The following TNPO3 variants were observed in gnomAD, a reference collection of about 807,000 sequenced individuals.
The protein encoded by TNPO3 is transportin-3.
A neutral mutation model predicts 122.8 loss-of-function variants in TNPO3; 65 were observed. The observed-to-expected ratio is 0.53, with a 90% CI of 0.43 to 0.65. The LOEUF (loss-of-function observed/expected upper bound fraction) is 0.65, where lower values mean the gene tolerates loss of function less well. Among genes scored for constraint, TNPO3 ranks in the 30% least tolerant of loss-of-function variants. The probability of loss-of-function intolerance (pLI) is 0.00; values close to 1 mark genes in which losing one functional copy is unlikely to be tolerated. For missense variants in TNPO3, 850 were observed against 1,136.7 expected, an observed-to-expected ratio of 0.75 and a Z score of 3.63; for synonymous variants, 372 against 411.2, an observed-to-expected ratio of 0.90 and a Z score of 1.15.
intron 1 of TNPO3, among the ~76,000 whole-genome samples, chr7:129,033,308 C>A (rs1307914194): frequency 6.6e-6 from 1 of 152,028 alleles, no homozygotes; most frequent in African/African-American, 2.4e-5. Context: ...AGAAGATATA[C>A]AAATGGTTAA....
intron 7 of TNPO3, among the ~76,000 whole-genome samples, chr7:128,998,136 C>T (rs1185395727): frequency 6.6e-6 from 1 of 151,856 alleles, no homozygotes; most frequent in Non-Finnish European, 1.5e-5. Flanking sequence ...GCATGAGCCA[C>T]CACATAGTTT....
chr7:129,004,990 C>T, intron 5 of TNPO3, 26 bp downstream of exon 5: 2 of 1,589,118 alleles, frequency 1.3e-6, no homozygotes, highest in Non-Finnish European at 1.7e-6. Flanking sequence ...GGCAGAAATA[C>T]TTTGATAAAT....
intron 4 of TNPO3, among the ~76,000 whole-genome samples, chr7:129,010,389 A>T (rs1417647294): frequency 6.6e-6 from 1 of 152,012 alleles, no homozygotes. Flanking sequence ...GCTGGTCTTG[A>T]ATGCCTGACA....
At chr7:128,967,206 A>G (rs978403349) in intron 21 of TNPO3, 74 bp downstream of exon 21, 1 of 1,003,978 alleles carries the variant, frequency 1.0e-6, no homozygotes. Flanking sequence ...TCCATTTCCC[A>G]AGGGCACATA....
At chr7:129,043,369 C>A (rs1170695121) in intron 1 of TNPO3, among the ~76,000 whole-genome samples, 1 of 152,136 alleles carries the variant, frequency 6.6e-6, no homozygotes, top group East Asian at 1.9e-4. Flanking sequence ...CCTGCCACTG[C>A]ACTCCAGACT....
At chr7:129,054,564 A>G in intron 1 of TNPO3, 87 bp downstream of exon 1, 1 of 1,574,380 alleles carries the variant, frequency 6.4e-7, no homozygotes, top group Non-Finnish European at 8.6e-7. Flanking sequence ...TCACGAGGTC[A>G]ACTGCCGGGC....
Position 129,031,247 on chromosome 7 carries a change from C to T in TNPO3, c.121-13090G>A, listed in dbSNP as rs147356132. On this transcript the variant is annotated intron_variant, in intron 1 of 22. Transcript: ENST00000265388. ...CCGGGAGGCAGAGGTTGCAGTGAGC[C>T]GAGATCATGCCACAAGCACTCCAGT... is the stretch of plus-strand genomic sequence containing the variant. Among the ~76,000 whole-genome samples the T allele has an allele frequency of 5.4e-3, 819 of 151,262 alleles. 7 individuals are homozygous for T. Among genetic ancestry groups the T allele is most frequent in the African/African-American group, 0.019 (784 of 41,208 alleles).
intron 21 of TNPO3, among the ~76,000 whole-genome samples, chr7:128,958,137 C>CT (rs55683535): frequency 0.024 from 2,323 of 96,166 alleles, 129 homozygotes; most frequent in African/African-American, 0.044. Context: ...GAAGCACTTC[C>CT]TTTTTTTTTT....
chr7:128,976,959 T>C (rs571847967), intron 16 of TNPO3, among the ~76,000 whole-genome samples: 2 of 152,346 alleles, frequency 1.3e-5, no homozygotes, highest in East Asian at 1.9e-4. Flanking sequence ...GTAAAAAGTA[T>C]AGATCTTATC....
chr7:128,982,723 T>C (rs992708324), intron 13 of TNPO3, among the ~76,000 whole-genome samples: 3 of 152,150 alleles, frequency 2.0e-5, no homozygotes, highest in African/African-American at 7.2e-5. Flanking sequence ...AAAATTATTA[T>C]AGCTTTGTAA....
chr7:128,992,177 T>C, intron 9 of TNPO3, 87 bp from the exon 10 acceptor site: 1 of 682,014 alleles, frequency 1.5e-6, no homozygotes, highest in Non-Finnish European at 2.4e-6. Context: ...TTAAAGTAAA[T>C]CCTGCTTCTT....
intron 13 of TNPO3, among the ~76,000 whole-genome samples, chr7:128,983,691 T>G (rs1799867355): frequency 6.6e-6 from 1 of 152,212 alleles, no homozygotes; most frequent in Non-Finnish European, 1.5e-5. Flanking sequence ...AACTGCAGAT[T>G]AAAGAATCTC....
intron 21 of TNPO3, among the ~76,000 whole-genome samples, chr7:128,960,948 A>G (rs1214646914): frequency 1.3e-5 from 2 of 152,022 alleles, no homozygotes; most frequent in African/African-American, 2.4e-5. Flanking sequence ...TTTAGTAGAG[A>G]TGGGGTTTCA....
chr7:129,003,160 T>C (rs1247089603), intron 5 of TNPO3, among the ~76,000 whole-genome samples: 1 of 150,062 alleles, frequency 6.7e-6, no homozygotes, highest in South Asian at 2.1e-4. Context: ...AGGGCGAAGG[T>C]TGCCGTGAGC....
At chr7:128,956,180 C>A (rs1292045592) in intron 22 of TNPO3, among the ~76,000 whole-genome samples, 1 of 152,178 alleles carries the variant, frequency 6.6e-6, no homozygotes, top group African/African-American at 2.4e-5. Context: ...CTCATTAAAA[C>A]AATCAAAGTT....
intron 13 of TNPO3, 64 bp downstream of exon 13, chr7:128,984,104 A>G: frequency 9.3e-7 from 1 of 1,073,280 alleles, no homozygotes; most frequent in South Asian, 1.7e-5. Context: ...AAGTAATTTC[A>G]TCTTTTCATT....
rs181712706 is a variant in TNPO3 at position 129,043,989 on chromosome 7, T to C, written c.120+10662A>G. ...ATAACCCATATAAACCAGATGAGAA[T>C]TCTATTGTACATACAAAGCATATGT... On this transcript the variant is annotated intron_variant, in intron 1 of 22. Transcript: ENST00000265388. Among the ~76,000 whole-genome samples the C allele has an allele frequency of 1.8e-3, 280 of 152,348 alleles. 6 individuals are homozygous for C. The highest frequency in any genetic ancestry group is 0.017 in the Admixed American group (256 of 15,304).
chr7:128,971,213 T>A (rs947599945), intron 19 of TNPO3, among the ~76,000 whole-genome samples: 2 of 151,966 alleles, frequency 1.3e-5, no homozygotes, highest in African/African-American at 4.8e-5. Context: ...TGGCCTGATC[T>A]TAGCTAACTG....
At chr7:128,984,819 T>C (rs1259654617) in intron 12 of TNPO3, among the ~76,000 whole-genome samples, 1 of 152,238 alleles carries the variant, frequency 6.6e-6, no homozygotes, top group Non-Finnish European at 1.5e-5. Flanking sequence ...TTTGCCTTTC[T>C]TTCATTTTAA....
Sources: gnomAD v4.1 joint callset for allele counts (sites outside exome capture counted in the v4.1 genomes callset) on GRCh38, gnomAD v4.1.1 for gene constraint, MANE v1.5 for transcripts, NCBI Gene and HGNC (gene_info 2026-07-23, HGNC 2026-07-21) for gene names.